Variants in EYA4 observed in about 807,000 individuals in gnomAD.
The protein encoded by EYA4 is EYA transcriptional coactivator and phosphatase 4.
Under a neutral mutation model 87.9 loss-of-function variants are expected in EYA4, and 31 were observed. The ratio of observed to expected loss-of-function variants is 0.35; its 90% confidence interval spans 0.27 to 0.48. EYA4 has a LOEUF of 0.48. Among genes scored for constraint, EYA4 ranks in the 20% least tolerant of loss-of-function variants. The pLI, the probability that EYA4 is intolerant of heterozygous loss-of-function variation, is 0.99. For missense variants in EYA4, 678 were observed against 761.4 expected (o/e 0.89, Z 1.29); for synonymous variants, 263 against 270.6 (o/e 0.97, Z 0.28).
chr6:133,464,799 T>C lies in EYA4; in HGVS notation c.745T>C (p.Ser249Pro), dbSNP rs755597536. The C allele has an allele frequency of 6.2e-7, 1 of 1,609,038 alleles. No homozygotes were observed. The highest frequency in any genetic ancestry group is 8.5e-7 in the Non-Finnish European group (1 of 1,176,088). ...QMPGSSFAPS[S>P]TIYANNSVSN... is the part of the protein sequence containing the mutation. The stretch of plus-strand genomic sequence containing the variant: ...TCTAGGTTCTAGTTTTGCACCATCA[T>C]CTACTATTTATGCAAATAATTCAGT... The change falls in exon 10 of 20, where the codon TCT becomes CCT. Residue 249 changes from serine to proline, a missense_variant. Coordinates refer to ENST00000355286, the MANE Select transcript of EYA4 (RefSeq NM_004100.5).
chr6:133,439,717 C>G (rs1057100873), intron 3 of EYA4, among the ~76,000 whole-genome samples: 5 of 152,208 alleles, frequency 3.3e-5, no homozygotes, highest in African/African-American at 1.2e-4. Flanking sequence ...ATAAACATGT[C>G]TGACCACCCA....
chr6:133,358,576 T>C (rs1452567085), intron 2 of EYA4, among the ~76,000 whole-genome samples: 3 of 152,214 alleles, frequency 2.0e-5, no homozygotes, highest in Non-Finnish European at 1.5e-5. Context: ...CTATTTTGAT[T>C]GAGCATTTTT....
chr6:133,428,681 T>C lies in EYA4; in HGVS notation c.84-17949T>C, dbSNP rs115449584. Among the ~76,000 whole-genome samples, 865 of 152,188 alleles carry C rather than the reference T, an allele frequency of 5.7e-3. 6 individuals carry two copies. The highest frequency in any genetic ancestry group is 0.019 in the African/African-American group (785 of 41,520). ...GTTTCTCCTCTGGGGATAGAATGAC[T>C]GGTAATACAAGTCAGACTACATGCT... On this transcript the variant is annotated intron_variant, in intron 3 of 19. Coordinates refer to ENST00000355286, the MANE Select transcript of EYA4 (RefSeq NM_004100.5).
intron 2 of EYA4, among the ~76,000 whole-genome samples, chr6:133,334,789 G>GT (rs2128392988): frequency 6.6e-6 from 1 of 152,070 alleles, no homozygotes; most frequent in African/African-American, 2.4e-5. Context: ...GAAGATCTTG[G>GT]TAAGTATTAG....
intron 2 of EYA4, among the ~76,000 whole-genome samples, chr6:133,300,566 G>T (rs1370708626): frequency 6.6e-6 from 1 of 152,066 alleles, no homozygotes; most frequent in Non-Finnish European, 1.5e-5. Context: ...CCAGGCTGGA[G>T]TGCAGTGGCA....
chr6:133,278,608 A>G (rs1032920582), intron 2 of EYA4, among the ~76,000 whole-genome samples: 1 of 152,214 alleles, frequency 6.6e-6, no homozygotes, highest in African/African-American at 2.4e-5. Flanking sequence ...AGAGTAGATT[A>G]CTGACTCATG....
intron 3 of EYA4, among the ~76,000 whole-genome samples, chr6:133,406,084 TTTA>T (rs1193670005): frequency 6.6e-6 from 1 of 152,198 alleles, no homozygotes; most frequent in African/African-American, 2.4e-5. Context: ...ATCAGATTAC[TTTA>T]TATATATATT....
intron 2 of EYA4, among the ~76,000 whole-genome samples, chr6:133,331,650 G>A (rs776262536): frequency 3.3e-5 from 5 of 152,190 alleles, no homozygotes; most frequent in African/African-American, 1.2e-4. Flanking sequence ...GCCATGCTGA[G>A]TCCTCACAAT....
At chr6:133,414,526 T>A (rs1004182421) in intron 3 of EYA4, among the ~76,000 whole-genome samples, 2 of 152,216 alleles carry the variant, frequency 1.3e-5, no homozygotes, top group African/African-American at 4.8e-5. Context: ...TAACACGAGA[T>A]ACAGCATTGG....
intron 2 of EYA4, among the ~76,000 whole-genome samples, chr6:133,344,567 A>G (rs1679556564): frequency 6.6e-6 from 1 of 152,172 alleles, no homozygotes; most frequent in South Asian, 2.1e-4. Flanking sequence ...TAGGTAATAA[A>G]CCAATTAAGG....
In EYA4 at chr6:133,339,927, T is replaced by C. The variant is rs1407527287; in HGVS notation, c.34-42465T>C. ...CATGATGTCAAATCATCAGGGACGGTGGCCAAGGATGGATTACAGAGGTGC... is the reference window on the plus strand; with the variant it reads ...CATGATGTCAAATCATCAGGGACGGCGGCCAAGGATGGATTACAGAGGTGC... On this transcript the variant is annotated intron_variant, in intron 2 of 19. Transcript: ENST00000355286. 3.3e-5 allele frequency among the ~76,000 whole-genome samples: 5 copies of C among 152,100 alleles called. No homozygotes were observed. In the East Asian group the frequency reaches 9.7e-4, roughly 29 times the overall value.
At chr6:133,490,059 G>GGTTT (rs1797012276) in intron 13 of EYA4, among the ~76,000 whole-genome samples, 1 of 152,002 alleles carries the variant, frequency 6.6e-6, no homozygotes, top group Admixed American at 6.6e-5. Flanking sequence ...TCTCTTTGCT[G>GGTTT]GTTTGTTAGT....
intron 17 of EYA4, among the ~76,000 whole-genome samples, chr6:133,515,639 G>A (rs920753944): frequency 2.0e-4 from 31 of 151,934 alleles, no homozygotes; most frequent in Non-Finnish European, 4.1e-4. Context: ...GTGTGTGTGT[G>A]TGTGTGTGTG....
chr6:133,332,859 G>A (rs909734692), intron 2 of EYA4, among the ~76,000 whole-genome samples: 8 of 151,984 alleles, frequency 5.3e-5, no homozygotes, highest in African/African-American at 1.9e-4. Flanking sequence ...ACCGCGCCCA[G>A]CCTGAGGCTT....
chr6:133,399,091 C>A (rs1401643623), intron 3 of EYA4, among the ~76,000 whole-genome samples: 1 of 152,140 alleles, frequency 6.6e-6, no homozygotes, highest in Non-Finnish European at 1.5e-5. Context: ...TGCTGGTGCC[C>A]ACACTGGATC....
intron 13 of EYA4, among the ~76,000 whole-genome samples, chr6:133,494,405 G>A (rs954902084): frequency 6.6e-6 from 1 of 152,194 alleles, no homozygotes; most frequent in African/African-American, 2.4e-5. Context: ...TAGAGGTTGG[G>A]AAGGGTAGTT....
chr6:133,478,912 C>G (rs1795973496), intron 11 of EYA4, among the ~76,000 whole-genome samples: 1 of 152,180 alleles, frequency 6.6e-6, no homozygotes, highest in Non-Finnish European at 1.5e-5. Flanking sequence ...CAGCCTACAA[C>G]CACCCATGAC....
At chr6:133,256,500 C>T (rs940855439) in intron 1 of EYA4, among the ~76,000 whole-genome samples, 6 of 151,794 alleles carry the variant, frequency 4.0e-5, no homozygotes, top group Non-Finnish European at 8.8e-5. Context: ...ACATATATTA[C>T]GATAGCTTTT....
chr6:133,393,040 A>C (rs529646267), intron 3 of EYA4, among the ~76,000 whole-genome samples: 9 of 152,196 alleles, frequency 5.9e-5, no homozygotes, highest in Non-Finnish European at 1.0e-4. Context: ...TCACAGGGGT[A>C]ATTAGAATGT....
Sources: gnomAD v4.1 joint callset for allele counts (sites outside exome capture counted in the v4.1 genomes callset) on GRCh38, gnomAD v4.1.1 for gene constraint, MANE v1.5 for transcripts, NCBI Gene and HGNC (gene_info 2026-07-23, HGNC 2026-07-21) for gene names.